Variants in MYRIP observed in about 807,000 individuals in gnomAD.
MYRIP encodes myosin VIIA and Rab interacting protein.
Under a neutral mutation model 98.0 loss-of-function variants are expected in MYRIP, and 49 were observed. That is an observed-to-expected ratio of 0.50 (90% CI 0.40 to 0.63). The LOEUF (loss-of-function observed/expected upper bound fraction) is 0.63, where lower values mean the gene tolerates loss of function less well. MYRIP is among the 30% of genes least tolerant of loss of function. The probability of loss-of-function intolerance (pLI) is 0.00; values close to 1 mark genes in which losing one functional copy is unlikely to be tolerated. For synonymous variants in MYRIP, 404 were observed against 409.5 expected (o/e 0.99, Z 0.16); for missense variants, 1,004 against 1,058.2 (o/e 0.95, Z 0.71).
chr3:39,956,717 T>A (rs1284926191), intron 2 of MYRIP, among the ~76,000 whole-genome samples: 1 of 149,182 alleles, frequency 6.7e-6, no homozygotes, highest in Non-Finnish European at 1.5e-5. Context: ...AAAAAACCCT[T>A]CAAAAAATCA....
intron 2 of MYRIP, among the ~76,000 whole-genome samples, chr3:40,027,225 G>T (rs550670078): frequency 6.6e-6 from 1 of 152,076 alleles, no homozygotes; most frequent in South Asian, 2.1e-4. Flanking sequence ...CCCTCAACAG[G>T]TGCAACAGAG....
At position 40,085,225 on chromosome 3, in the gene MYRIP, T is replaced by C. The variant is rs549780155; in HGVS notation, c.332+40954T>C. ...ACAGATAATATGTGTCTATGTGTTA[T>C]ATATCCACAGATAATATGTGTCTAT... is the stretch of plus-strand genomic sequence containing the variant. On this transcript the variant is annotated intron_variant, in intron 3 of 16. Coordinates refer to ENST00000302541, the MANE Select transcript of MYRIP (RefSeq NM_015460.4). Among the ~76,000 whole-genome samples, 10 of 151,530 alleles carry C rather than the reference T, an allele frequency of 6.6e-5. No individual in the cohort carries two copies. In the East Asian group the frequency reaches 1.9e-3, roughly 29 times the overall value.
chr3:39,996,766 T>G (rs1292831235), intron 2 of MYRIP, among the ~76,000 whole-genome samples: 1 of 152,130 alleles, frequency 6.6e-6, no homozygotes, highest in Admixed American at 6.5e-5. Flanking sequence ...ATTCCAAAAT[T>G]GACCACAGGG....
At chr3:39,857,973 G>A (rs1366627877) in intron 1 of MYRIP, among the ~76,000 whole-genome samples, 1 of 152,062 alleles carries the variant, frequency 6.6e-6, no homozygotes, top group Non-Finnish European at 1.5e-5. Flanking sequence ...AAGAGAAAGA[G>A]AGAAACAAAG....
chr3:40,102,938 G>T (rs1316278931), intron 3 of MYRIP, among the ~76,000 whole-genome samples: 1 of 151,850 alleles, frequency 6.6e-6, no homozygotes, highest in Non-Finnish European at 1.5e-5. Flanking sequence ...AAGCACTCAG[G>T]TATTTCTATT....
At position 40,130,679 on chromosome 3, in the gene MYRIP, C is replaced by T. The variant is rs1575561732; in HGVS notation, c.333-20369C>T. Among the ~76,000 whole-genome samples, 3 of 152,054 alleles carry T rather than the reference C, an allele frequency of 2.0e-5. No homozygotes were observed. The East Asian group carries it at 5.8e-4, about 29-fold the overall frequency. On this transcript the variant is annotated intron_variant, in intron 3 of 16. Transcript: ENST00000302541. ...ACAAGCGTGAGCCACCGCGCCCGGC[C>T]TCTAGTCCAAATTTCTACCCTCCTA...
At chr3:39,956,855 C>A (rs1293205928) in intron 2 of MYRIP, among the ~76,000 whole-genome samples, 1 of 151,558 alleles carries the variant, frequency 6.6e-6, no homozygotes, top group Admixed American at 6.6e-5. Flanking sequence ...ATATCACCAC[C>A]GATCCCACAG....
At position 40,182,608 on chromosome 3, in the gene MYRIP, G is replaced by A. The variant is rs544869799; in HGVS notation, c.1027+235G>A. Among the ~76,000 whole-genome samples the A allele has an allele frequency of 6.6e-5, 10 of 152,326 alleles. No individual in the cohort carries two copies. The South Asian group carries it at 1.7e-3, about 25-fold the overall frequency. ...CTGGCAGAATGAAGGCTCTTAGGGT[G>A]TCATCATATTCTATGCTCTGTGCTG... On this transcript the variant is annotated intron_variant, in intron 9 of 16. Transcript: ENST00000302541.
intron 1 of MYRIP, among the ~76,000 whole-genome samples, chr3:39,867,462 T>G (rs1942658794): frequency 7.2e-6 from 1 of 139,498 alleles, no homozygotes; most frequent in Non-Finnish European, 1.5e-5. Context: ...GGAACTTATA[T>G]AATGCAATAG....
intron 1 of MYRIP, among the ~76,000 whole-genome samples, 164 bp from the exon 2 acceptor site, chr3:39,900,623 T>A (rs1298000683): frequency 6.6e-6 from 1 of 152,134 alleles, no homozygotes; most frequent in Non-Finnish European, 1.5e-5. Flanking sequence ...GTGGCCTTGG[T>A]GAGGTCATTT....
Position 40,080,791 on chromosome 3 carries a change from CTTT to C in MYRIP, c.332+36541_332+36543del, listed in dbSNP as rs34610302. Among the ~76,000 whole-genome samples, 486 of 93,798 alleles carry C rather than the reference CTTT, an allele frequency of 5.2e-3. 1 individual carries two copies. Among genetic ancestry groups the C allele is most frequent in the South Asian group, 0.044 (132 of 2,994 alleles). The allele number at this position is 93,798 out of a possible 152,430, so 61.5% of individuals were successfully genotyped here. A position where few individuals can be genotyped will look rare whatever the true frequency, so the allele number is the denominator to read the frequency against. ...GAATAATTGTTTTCTATCCTAACTT[CTTT>C]TTTTTTTTTTTTTTTTTTTTGCTTC... On this transcript the variant is annotated intron_variant, in intron 3 of 16. Transcript: ENST00000302541.
chr3:39,887,254 A>G (rs2125653224), intron 1 of MYRIP, among the ~76,000 whole-genome samples: 1 of 152,104 alleles, frequency 6.6e-6, no homozygotes, highest in African/African-American at 2.4e-5. Flanking sequence ...TCCAAAATTG[A>G]CACCCTAACA....
chr3:40,159,750 T>A (rs1229519546), intron 4 of MYRIP, among the ~76,000 whole-genome samples: 1 of 152,218 alleles, frequency 6.6e-6, no homozygotes, highest in East Asian at 1.9e-4. Context: ...TCATTTCATC[T>A]TCCATCACTG....
intron 2 of MYRIP, among the ~76,000 whole-genome samples, chr3:40,022,407 T>A (rs184836227): frequency 7.2e-5 from 11 of 152,268 alleles, no homozygotes; most frequent in Admixed American, 7.2e-4. Context: ...AGGAAAAAGA[T>A]AAATTTGTCA....
intron 2 of MYRIP, among the ~76,000 whole-genome samples, chr3:40,028,923 A>G (rs1358453889): frequency 6.6e-6 from 1 of 152,134 alleles, no homozygotes; most frequent in Admixed American, 6.6e-5. Flanking sequence ...GCTTGGAATA[A>G]ATGCTAGAGG....
intron 2 of MYRIP, among the ~76,000 whole-genome samples, chr3:39,909,557 T>C (rs1490840634): frequency 6.6e-6 from 1 of 152,166 alleles, no homozygotes; most frequent in Admixed American, 6.5e-5. Flanking sequence ...CTCATGGGAA[T>C]ACATCTGTCT....
intron 1 of MYRIP, among the ~76,000 whole-genome samples, chr3:39,843,076 A>C (rs572304448): frequency 3.2e-4 from 49 of 152,344 alleles, no homozygotes; most frequent in African/African-American, 1.2e-3. Context: ...TGGATCAGGC[A>C]ATGTTAAAGA....
chr3:40,066,361 T>C (rs1041459989), intron 3 of MYRIP, among the ~76,000 whole-genome samples: 1 of 152,230 alleles, frequency 6.6e-6, no homozygotes, highest in Non-Finnish European at 1.5e-5. Flanking sequence ...CAAATTGCAC[T>C]TCTGGGGGAC....
intron 15 of MYRIP, among the ~76,000 whole-genome samples, chr3:40,251,214 A>G (rs1408469329): frequency 6.6e-6 from 1 of 152,248 alleles, no homozygotes; most frequent in Admixed American, 6.5e-5. Flanking sequence ...AGAAAGTCCA[A>G]AAATGTGCAT....
Sources: gnomAD v4.1 joint callset for allele counts (sites outside exome capture counted in the v4.1 genomes callset) on GRCh38, gnomAD v4.1.1 for gene constraint, MANE v1.5 for transcripts, NCBI Gene and HGNC (gene_info 2026-07-23, HGNC 2026-07-21) for gene names.